The following KRABD1 variants were observed in gnomAD, a reference collection of about 807,000 sequenced individuals.
The protein encoded by KRABD1 is KRAB domain-containing protein 1.
At chr3:42,936,897 G>C in the KRABD1 span, 1 of 152,156 alleles carries the variant, frequency 6.6e-6, no homozygotes, top group Non-Finnish European at 1.5e-5. Flanking sequence ...CACCAGTCTT[G>C]AAACTTGTTA....
At chr3:42,936,787 C>G in the KRABD1 span, 3 of 152,190 alleles carry the variant, frequency 2.0e-5, no homozygotes, top group Admixed American at 6.5e-5. Flanking sequence ...GACCCGGATG[C>G]GGAAACCCCA....
At chr3:42,938,949 A>G in the KRABD1 span, 6 of 1,524,964 alleles carry the variant, frequency 3.9e-6, no homozygotes, top group African/African-American at 1.4e-5. Context: ...GTTTTTTTCT[A>G]TCTCTGTACA....
At chr3:42,939,150 G>GT in the KRABD1 span, among the ~76,000 whole-genome samples, 1 of 151,996 alleles carries the variant, frequency 6.6e-6, no homozygotes, top group African/African-American at 2.4e-5. Flanking sequence ...ATGTACACTT[G>GT]TATGACCTCA....
At chr3:42,937,013 C>T in the KRABD1 span, 1 of 152,276 alleles carries the variant, frequency 6.6e-6, no homozygotes, top group East Asian at 1.9e-4. Context: ...TGGATTGGCT[C>T]ATAAGAATGT....
At chr3:42,941,149 T>C in the KRABD1 span, 2 of 1,411,722 alleles carry the variant, frequency 1.4e-6, no homozygotes, top group African/African-American at 1.4e-5. Flanking sequence ...GTAGATGCCC[T>C]TCTCAGGTCT....
the KRABD1 span, chr3:42,938,932 G>A: frequency 1.3e-6 from 2 of 1,530,932 alleles, no homozygotes; most frequent in Non-Finnish European, 1.7e-6. Flanking sequence ...CAGGCCCCAG[G>A]TGAGCTGTTT....
At chr3:42,940,185 C>T in the KRABD1 span, among the ~76,000 whole-genome samples, 1 of 152,172 alleles carries the variant, frequency 6.6e-6, no homozygotes, top group African/African-American at 2.4e-5. Flanking sequence ...TCTTTTTCCC[C>T]CCATATACAT....
chr3:42,938,726 A>G, the KRABD1 span: 123 of 459,528 alleles, frequency 2.7e-4, no homozygotes, highest in East Asian at 3.5e-3. Flanking sequence ...TGTGAGATTG[A>G]TAATAAGCAA....
chr3:42,937,995 T>G, the KRABD1 span: 1 of 152,360 alleles, frequency 6.6e-6, no homozygotes, highest in East Asian at 1.9e-4. Flanking sequence ...ATCCAACTGT[T>G]GGCAGCTCTT....
the KRABD1 span, chr3:42,941,437 T>A: frequency 1.5e-6 from 2 of 1,376,770 alleles, no homozygotes; most frequent in Admixed American, 5.1e-5. Context: ...CAAATAGCGA[T>A]GTCAAAGGTT....
the KRABD1 span, chr3:42,942,479 T>TA: frequency 2.0e-6 from 1 of 497,430 alleles, no homozygotes; most frequent in Admixed American, 3.8e-5. Flanking sequence ...CAATTTTAAA[T>TA]AATTTTTTAT....
At chr3:42,938,859 CT>C in the KRABD1 span, 1 of 1,502,246 alleles carries the variant, frequency 6.7e-7, no homozygotes, top group Non-Finnish European at 8.9e-7. Flanking sequence ...GCACCTGAGA[CT>C]TTTACCTTTA....
chr3:42,941,970 C>T, the KRABD1 span: 1 of 1,535,574 alleles, frequency 6.5e-7, no homozygotes, highest in Non-Finnish European at 8.7e-7. Flanking sequence ...CCACCCACTT[C>T]CAAACCAGCT....
chr3:42,941,132 A>G, the KRABD1 span: 12 of 1,238,564 alleles, frequency 9.7e-6, no homozygotes, highest in South Asian at 3.2e-5. Flanking sequence ...CTGAATACGT[A>G]TCATTTGTAG....
chr3:42,940,180 T>C, the KRABD1 span, among the ~76,000 whole-genome samples: 1 of 152,376 alleles, frequency 6.6e-6, no homozygotes, highest in East Asian at 1.9e-4. Flanking sequence ...AAAGTTCTTT[T>C]TCCCCCCATA....
the KRABD1 span, chr3:42,938,559 C>T: frequency 4.3e-6 from 1 of 232,784 alleles, no homozygotes; most frequent in Non-Finnish European, 8.8e-6. Flanking sequence ...ACACTCTGTC[C>T]ACTGTCTACC....
the KRABD1 span, chr3:42,942,399 A>T: frequency 7.8e-5 from 35 of 450,678 alleles, no homozygotes; most frequent in African/African-American, 5.9e-4. Context: ...GTGCAGTATT[A>T]TCTTGTTCAC....
At chr3:42,938,802 A>G in the KRABD1 span, 2 of 847,378 alleles carry the variant, frequency 2.4e-6, no homozygotes, top group African/African-American at 3.4e-5. Context: ...TGTAGGACTT[A>G]TGGTCAATAA....
chr3:42,941,991 A>T, the KRABD1 span: 1 of 1,535,974 alleles, frequency 6.5e-7, no homozygotes, highest in Non-Finnish European at 8.7e-7. Context: ...TTGGTCTCTC[A>T]TCTGGAGCAA....
Sources: allele counts gnomAD v4.1 joint callset (sites outside exome capture counted in the v4.1 genomes callset), GRCh38; gene constraint gnomAD v4.1.1; transcripts MANE v1.5; gene names NCBI Gene and HGNC (gene_info 2026-07-23, HGNC 2026-07-21).